Variants in TEKTL1 observed in about 807,000 individuals in gnomAD.
TEKTL1 encodes tektin-like protein 1.
At chr19:15,011,217 G>A in the TEKTL1 span, 2 of 1,478,658 alleles carry the variant, frequency 1.4e-6, no homozygotes, top group Non-Finnish European at 1.8e-6. Flanking sequence ...GCGCACGCGC[G>A]TGGAGCGCGC....
the TEKTL1 span, among the ~76,000 whole-genome samples, chr19:15,016,582 G>T: frequency 6.6e-6 from 1 of 152,196 alleles, no homozygotes; most frequent in Non-Finnish European, 1.5e-5. Flanking sequence ...ATGAACAAAA[G>T]ACTTTTTAAG....
At chr19:15,011,006 C>T in the TEKTL1 span, 2 of 1,586,844 alleles carry the variant, frequency 1.3e-6, no homozygotes, top group Non-Finnish European at 1.7e-6. Flanking sequence ...CGTGGCCCAC[C>T]ACCTCGGCCG....
chr19:15,013,612 A>T, the TEKTL1 span: 1 of 1,317,442 alleles, frequency 7.6e-7, no homozygotes, highest in Non-Finnish European at 1.1e-6. Context: ...CACCCTGGAA[A>T]GAGGAATCTC....
chr19:15,020,632 C>G, the TEKTL1 span: 1 of 1,613,822 alleles, frequency 6.2e-7, no homozygotes, highest in African/African-American at 1.3e-5. Context: ...AACGCCTCCT[C>G]CAGACCCTGT....
chr19:15,018,366 C>T, the TEKTL1 span, among the ~76,000 whole-genome samples: 1 of 151,940 alleles, frequency 6.6e-6, no homozygotes, highest in East Asian at 1.9e-4. Context: ...GATTATTATG[C>T]ACAGTACCAT....
chr19:15,013,666 TTC>T, the TEKTL1 span: 1 of 1,608,402 alleles, frequency 6.2e-7, no homozygotes, highest in African/African-American at 1.3e-5. Flanking sequence ...TCTCCTCGTT[TTC>T]TAGGTCCCTG....
chr19:15,018,798 C>T, the TEKTL1 span, among the ~76,000 whole-genome samples: 5 of 145,626 alleles, frequency 3.4e-5, no homozygotes, highest in African/African-American at 1.3e-4. Flanking sequence ...AGCAGAATTG[C>T]CTGACCCTTG....
chr19:15,021,737 G>T, the TEKTL1 span: 1 of 1,613,022 alleles, frequency 6.2e-7, no homozygotes, highest in Non-Finnish European at 8.5e-7. Flanking sequence ...AGAGCCTTCG[G>T]GGGTGGAGGC....
the TEKTL1 span, chr19:15,013,751 T>C: frequency 1.9e-6 from 3 of 1,613,216 alleles, no homozygotes; most frequent in African/African-American, 1.3e-5. Context: ...GAGAGAGATA[T>C]GGAAAAATCA....
the TEKTL1 span, chr19:15,013,820 C>A: frequency 1.4e-5 from 18 of 1,287,876 alleles, no homozygotes; most frequent in East Asian, 3.6e-4. Flanking sequence ...GGAGGGGGAT[C>A]CCTGGCTGCC....
At chr19:15,017,283 G>C in the TEKTL1 span, among the ~76,000 whole-genome samples, 1 of 152,142 alleles carries the variant, frequency 6.6e-6, no homozygotes, top group Admixed American at 6.5e-5. Context: ...TTACTAGAGG[G>C]GGTCAGGGAG....
the TEKTL1 span, among the ~76,000 whole-genome samples, chr19:15,015,734 C>T: frequency 6.6e-6 from 1 of 152,146 alleles, no homozygotes; most frequent in Non-Finnish European, 1.5e-5. Context: ...AGGAACAGAA[C>T]AGGTAAAATT....
chr19:15,018,423 C>T, the TEKTL1 span, among the ~76,000 whole-genome samples: 1 of 151,828 alleles, frequency 6.6e-6, no homozygotes, highest in South Asian at 2.1e-4. Context: ...TAAGACATTT[C>T]TCTAGCTGGG....
the TEKTL1 span, chr19:15,022,722 G>GTTTTT: frequency 1.7e-5 from 9 of 522,840 alleles, no homozygotes; most frequent in East Asian, 4.1e-5. Flanking sequence ...CCCTGTCGCG[G>GTTTTT]TTTTTTTTTT....
the TEKTL1 span, among the ~76,000 whole-genome samples, chr19:15,022,098 G>A: frequency 2.0e-5 from 3 of 152,088 alleles, no homozygotes; most frequent in Non-Finnish European, 4.4e-5. Flanking sequence ...ACTGGCGGGG[G>A]CTTCAGTGGG....
chr19:15,010,754 A>G, the TEKTL1 span: 1 of 1,431,022 alleles, frequency 7.0e-7, no homozygotes, highest in South Asian at 1.4e-5. Context: ...GCCAGGAAAG[A>G]GTTGTGTGTC....
chr19:15,013,422 C>A, the TEKTL1 span, among the ~76,000 whole-genome samples: 1 of 152,086 alleles, frequency 6.6e-6, no homozygotes, highest in Admixed American at 6.6e-5. Context: ...CCCCTGGGCT[C>A]CTATCTGTAA....
the TEKTL1 span, among the ~76,000 whole-genome samples, chr19:15,016,952 A>T: frequency 2.0e-5 from 3 of 152,216 alleles, no homozygotes; most frequent in Admixed American, 2.0e-4. Context: ...CACATCTGTT[A>T]TCCCAGCACT....
At chr19:15,014,851 G>C in the TEKTL1 span, among the ~76,000 whole-genome samples, 1 of 152,058 alleles carries the variant, frequency 6.6e-6, no homozygotes, top group Non-Finnish European at 1.5e-5. Context: ...CAGGAAGTCG[G>C]AGGCAGAGAA....
Sources: allele counts gnomAD v4.1 joint callset (sites outside exome capture counted in the v4.1 genomes callset), GRCh38; gene constraint gnomAD v4.1.1; transcripts MANE v1.5; gene names NCBI Gene and HGNC (gene_info 2026-07-23, HGNC 2026-07-21).